WRAP53: variants seen among roughly 807,000 people sequenced by gnomAD.
WRAP53 encodes WD repeat containing antisense to TP53.
In WRAP53, 28 loss-of-function variants were observed where a neutral mutation model predicts 56.6. The ratio of observed to expected loss-of-function variants is 0.50; its 90% CI spans 0.37 to 0.68. The LOEUF (loss-of-function observed/expected upper bound fraction) is 0.68, where lower values mean the gene tolerates loss of function less well. Among genes scored for constraint, WRAP53 ranks in the 30% least tolerant of loss-of-function variants. WRAP53 has a pLI of 0.00. For missense variants in WRAP53, 671 were observed against 715.5 expected (o/e 0.94, Z 0.71); for synonymous variants, 283 against 283.4 (o/e 1.00, Z 0.01).
At chr17:7,687,509 G>T, upstream of WRAP53, 1 of 398,626 alleles carries the variant, frequency 2.5e-6, no homozygotes, top group Non-Finnish European at 4.4e-6. Flanking sequence ...AACTTTTAGC[G>T]CCAGTCTTGA....
chr17:7,689,016 T>G lies in WRAP53; in HGVS notation c.368T>G (p.Leu123Trp), dbSNP rs2074064548. Residue 123 changes from leucine to tryptophan, a missense_variant, in exon 2 of 11, where the codon TTG becomes TGG. Transcript: ENST00000396463. ...LSEEEANGPELGSGKAMEDTS... is the reference protein window; with the variant it reads ...LSEEEANGPEWGSGKAMEDTS... ...GAAGAAGAAGCGAACGGGCCAGAGTTGGGGTCTGGAAAAGCCATGGAAGAT... is the reference window on the plus strand; with the variant it reads ...GAAGAAGAAGCGAACGGGCCAGAGTGGGGGTCTGGAAAAGCCATGGAAGAT... 1 of 1,614,074 alleles carries G rather than the reference T, an allele frequency of 6.2e-7. No individual in the cohort carries two copies. Among genetic ancestry groups the G allele is most frequent in the Non-Finnish European group, 8.5e-7 (1 of 1,180,006 alleles).
In WRAP53 at chr17:7,702,831, A is replaced by G; in HGVS notation, c.1253A>G (p.Tyr418Cys). 6.2e-7 allele frequency: 1 copy of G among 1,613,832 alleles called. No homozygotes were observed. Among genetic ancestry groups the G allele is most frequent in the South Asian group, 1.1e-5 (1 of 91,088 alleles). The change falls in exon 9 of 11, where the codon TAC (tyrosine) becomes TGC (cysteine). Residue 418 changes from tyrosine (Y) to cysteine (C), a missense_variant. This residue lies in a region of WRAP53 where 158 missense variants were observed against 215.7 expected (regional missense o/e 0.73). Transcript: ENST00000396463. The surrounding 1 kb of genome is among the most constrained non-coding windows in gnomAD (Gnocchi z 5.0). ...GREVTTNQRI[Y>C]FDLDPTGQFL... is the part of the protein sequence containing the mutation. Reference sequence around the variant, plus strand: ...GAGGTGACCACCAATCAGCGCATCTACTTCGATCTGGACCCGTGAGTGGCT... The same window carrying G: ...GAGGTGACCACCAATCAGCGCATCTGCTTCGATCTGGACCCGTGAGTGGCT...
chr17:7,702,742 G>A lies in WRAP53; in HGVS notation c.1165-1G>A, dbSNP rs1187875133. ...CTCCAGGTCCTGTTCCTTGTCTCCA[G>A]GATGCTGAGCTCCTGTGCTGGGATC... On this transcript the variant is annotated splice_acceptor_variant, in intron 8 of 10. Transcript: ENST00000396463. LOFTEE classifies it high-confidence loss of function. The surrounding 1 kb of genome is among the most constrained non-coding windows in gnomAD (Gnocchi z 5.0). 2 of 1,613,406 alleles carry A rather than the reference G, an allele frequency of 1.2e-6. No individual in the cohort carries two copies. Among genetic ancestry groups the A allele is most frequent in the Non-Finnish European group, 1.7e-6 (2 of 1,179,968 alleles).
rs765462600 is a variant in WRAP53 at position 7,688,972 on chromosome 17, A to C, written c.324A>C (p.Glu108Asp). The C allele has an allele frequency of 8.7e-6, 14 of 1,614,074 alleles. No individual in the cohort carries two copies. In the Admixed American group the frequency reaches 2.3e-4, roughly 27 times the overall value. The change falls in exon 2 of 11, where the codon GAA becomes GAC. Residue 108 changes from glutamate to aspartate, a missense_variant. By Grantham distance (45) the Glu-to-Asp change is conservative. This residue lies in a region of WRAP53 where 406 missense variants were observed against 418.5 expected (regional missense o/e 0.97). Transcript: ENST00000396463. Reference protein sequence around the residue: ...LSENTSLPAEEANGSLSEEEA... With the variant: ...LSENTSLPAEDANGSLSEEEA... ...AAAATACAAGCCTTCCTGCAGAAGAAGCAAACGGGAGCCTTTCTGAAGAAG... is the reference window on the plus strand; with the variant it reads ...AAAATACAAGCCTTCCTGCAGAAGACGCAAACGGGAGCCTTTCTGAAGAAG...
chr17:7,697,320 C>CAAA (rs71159522), intron 4 of WRAP53, among the ~76,000 whole-genome samples: 38 of 95,038 alleles, frequency 4.0e-4, no homozygotes, highest in African/African-American at 1.3e-3. Flanking sequence ...ACTCTGCCTC[C>CAAA]AAAAAAAAAA....
In WRAP53 at chr17:7,701,789, G is replaced by C. The variant is rs1298685626; in HGVS notation, c.955G>C (p.Ala319Pro). 28 of 1,613,668 alleles carry C rather than the reference G, an allele frequency of 1.7e-5. No individual in the cohort carries two copies. The highest frequency in any genetic ancestry group is 2.3e-5 in the Non-Finnish European group (27 of 1,179,892). Residue 319 changes from alanine (A) to proline (P), a missense_variant and splice_region_variant, in exon 7 of 11, where the codon GCA becomes CCA. Ala to Pro is a conservative substitution (Grantham distance 27). Around this residue, in one of 3 missense-constraint regions of WRAP53, gnomAD observed 406 missense variants for 418.5 expected, o/e 0.97. Coordinates refer to ENST00000396463, the MANE Select transcript of WRAP53 (RefSeq NM_001143992.2). The surrounding 1 kb of genome is among the most constrained non-coding windows in gnomAD (Gnocchi z 4.2). Reference sequence around the variant, plus strand: ...AGACTGCGAGGTCCGAGCCACATTTGGTAAGCATCTGTGCCTCCAAGGGAG... The same window carrying C: ...AGACTGCGAGGTCCGAGCCACATTTCGTAAGCATCTGTGCCTCCAAGGGAG... ...GRDCEVRATF[A>P]KKQGQSGIIS...
intron 4 of WRAP53, among the ~76,000 whole-genome samples, chr17:7,698,875 AAAATAAAT>A (rs34271914): frequency 1.1e-4 from 16 of 147,466 alleles, no homozygotes; most frequent in African/African-American, 2.3e-4. Context: ...GACTCCGTCA[AAAATAAAT>A]AAATAAATAA....
In WRAP53 at chr17:7,701,658, A is replaced by T; in HGVS notation, c.824A>T (p.Asp275Val). The T allele has an allele frequency of 1.9e-6, 3 of 1,614,168 alleles. No homozygotes were observed. Among genetic ancestry groups the T allele is most frequent in the Non-Finnish European group, 2.5e-6 (3 of 1,180,030 alleles). ...TTTTCAGCCCTTTCCTTCCCCCAGG[A>T]TGAGCTGACGGCAGCCCATTCGCTC... ...RASFRAYNHL[D>V]ELTAAHSLCF... is the part of the protein sequence containing the mutation. The change falls in exon 7 of 11, where the codon GAT (aspartate) becomes GTT (valine). Residue 275 changes from aspartate to valine, a missense_variant and splice_region_variant. By Grantham distance (152) the Asp-to-Val change is radical. Around this residue, in one of 3 missense-constraint regions of WRAP53, gnomAD observed 406 missense variants for 418.5 expected, o/e 0.97. Transcript: ENST00000396463. This position sits in a 1 kb window ranked among gnomAD's most constrained non-coding sequence, Gnocchi z 4.2.
intron 4 of WRAP53, among the ~76,000 whole-genome samples, chr17:7,700,033 G>A (rs947310728): frequency 1.3e-5 from 2 of 150,730 alleles, no homozygotes; most frequent in African/African-American, 2.4e-5. Context: ...GTGCTCAGCC[G>A]ATAATTTTTT....
chr17:7,691,923 G>C (rs1360333679), intron 4 of WRAP53, among the ~76,000 whole-genome samples: 2 of 151,808 alleles, frequency 1.3e-5, no homozygotes, highest in African/African-American at 4.8e-5. Flanking sequence ...CGCAACCTCC[G>C]CCTCCCAGGT....
chr17:7,695,668 G>C (rs1008102082), intron 4 of WRAP53, among the ~76,000 whole-genome samples: 1 of 152,000 alleles, frequency 6.6e-6, no homozygotes, highest in Non-Finnish European at 1.5e-5. Context: ...ACAGCCTTCC[G>C]GTGCTCTCCT....
At chr17:7,689,406 C>T in intron 3 of WRAP53, 84 bp downstream of exon 3, 4 of 1,462,864 alleles carry the variant, frequency 2.7e-6, no homozygotes, top group Non-Finnish European at 3.8e-6. Flanking sequence ...GAGGGATGCC[C>T]CAGAGCTGGG....
chr17:7,702,586 G>T lies in WRAP53; in HGVS notation c.1164+34G>T. On this transcript the variant is annotated intron_variant, in intron 8 of 10. Transcript: ENST00000396463. This position sits in a 1 kb window ranked among gnomAD's most constrained non-coding sequence, Gnocchi z 5.0. ...CACACCCTGAGAGCCCAAAGCAGCTGGGCAGCGGGGCAGGAGCAGGGATGT... is the reference window on the plus strand; with the variant it reads ...CACACCCTGAGAGCCCAAAGCAGCTTGGCAGCGGGGCAGGAGCAGGGATGT... 1 of 1,599,120 alleles carries T rather than the reference G, an allele frequency of 6.3e-7. No individual in the cohort carries two copies.
In WRAP53 at chr17:7,689,008, G is replaced by A; in HGVS notation, c.360G>A (p.Gly120=). 1.2e-6 allele frequency: 2 copies of A among 1,614,182 alleles called. No homozygotes were observed. The highest frequency in any genetic ancestry group is 1.7e-6 in the Non-Finnish European group (2 of 1,180,034). Residue 120 remains glycine (G), a synonymous_variant, in exon 2 of 11, where the codon GGG becomes GGA. Coordinates refer to ENST00000396463, the MANE Select transcript of WRAP53 (RefSeq NM_001143992.2). ...NGSLSEEEAN[G]PELGSGKAME... ...GCCTTTCTGAAGAAGAAGCGAACGG[G>A]CCAGAGTTGGGGTCTGGAAAAGCCA...
At chr17:7,692,620 CAAAAAAAA>C (rs1178226250) in intron 4 of WRAP53, among the ~76,000 whole-genome samples, 3 of 59,042 alleles carry the variant, frequency 5.1e-5, no homozygotes, top group East Asian at 4.5e-4. Flanking sequence ...GACTCCGTCT[CAAAAAAAA>C]AAAAAAAAAA....
intron 3 of WRAP53, 130 bp from the exon 4 acceptor site, chr17:7,689,460 T>G (rs1353202542): frequency 4.8e-6 from 6 of 1,253,486 alleles, no homozygotes; most frequent in Admixed American, 1.9e-5. Flanking sequence ...ACATTTTATC[T>G]AGCAGTTTGT....
intron 4 of WRAP53, among the ~76,000 whole-genome samples, chr17:7,692,746 CTTTTT>C (rs1177019881): frequency 0.023 from 2,232 of 97,748 alleles, 14 homozygotes; most frequent in African/African-American, 0.033. Context: ...GGTCATTCTC[CTTTTT>C]TTTTTTTTTT....
rs371324724 is a variant in WRAP53, at chr17:7,701,591, G to A, written c.822+42G>A. 16 of 1,614,090 alleles carry A rather than the reference G, an allele frequency of 9.9e-6. No individual in the cohort carries two copies. The highest frequency in any genetic ancestry group is 9.9e-5 in the South Asian group (9 of 91,088). On this transcript the variant is annotated intron_variant, in intron 6 of 10. Transcript: ENST00000396463. The surrounding 1 kb of genome is among the most constrained non-coding windows in gnomAD (Gnocchi z 4.2). ...TCAGCCCCAGCACTCGTACTGGCCCGGCTCTCCTTCCTTGAGGGCAGCTGA... is the reference window on the plus strand; with the variant it reads ...TCAGCCCCAGCACTCGTACTGGCCCAGCTCTCCTTCCTTGAGGGCAGCTGA...
At chr17:7,700,697 C>T (rs1024600581) in intron 4 of WRAP53, 44 bp from the exon 5 acceptor site, 3 of 1,476,096 alleles carry the variant, frequency 2.0e-6, no homozygotes, top group Admixed American at 3.3e-5. Flanking sequence ...CCTCAGACTC[C>T]TTTTCCCTCC....
Sources: allele counts gnomAD v4.1 joint callset (sites outside exome capture counted in the v4.1 genomes callset), GRCh38; gene constraint gnomAD v4.1.1; regional missense constraint gnomAD v4.1.1; non-coding constraint Gnocchi (gnomAD v3.1); transcripts MANE v1.5; gene names NCBI Gene and HGNC (gene_info 2026-07-23, HGNC 2026-07-21).